CCDC171: variants seen among roughly 807,000 people sequenced by gnomAD.
CCDC171 encodes the protein coiled-coil domain-containing protein 171.
In CCDC171, 177 loss-of-function variants were observed where a neutral mutation model predicts 168.2. The observed-to-expected ratio is 1.05, with a 90% CI of 0.93 to 1.19. CCDC171 has a LOEUF of 1.19. Ranked by LOEUF, CCDC171 falls within the 50% of genes most tolerant of loss-of-function variation. CCDC171 has a pLI of 0.00. For missense variants in CCDC171, 1,991 were observed against 1,539.0 expected, an observed-to-expected ratio of 1.29 and a Z score of -4.91; for synonymous variants, 687 against 540.8, an observed-to-expected ratio of 1.27 and a Z score of -3.75.
chr9:15,806,037 C>G (rs1186485193), intron 21 of CCDC171, among the ~76,000 whole-genome samples: 1 of 152,064 alleles, frequency 6.6e-6, no homozygotes, highest in East Asian at 1.9e-4. Flanking sequence ...TCTGTTTTGT[C>G]AGAAACTAGT....
intron 1 of CCDC171, among the ~76,000 whole-genome samples, chr9:16,059,763 C>A (rs1447306747): frequency 6.6e-6 from 1 of 151,146 alleles, no homozygotes; most frequent in Non-Finnish European, 1.5e-5. Context: ...ATCCACCCGC[C>A]TCGGCCTCCC....
intron 22 of CCDC171, among the ~76,000 whole-genome samples, 197 bp from the exon 23 acceptor site, chr9:15,848,696 G>C (rs1162306466): frequency 2.0e-5 from 3 of 151,034 alleles, no homozygotes; most frequent in Non-Finnish European, 4.4e-5. Context: ...CAGTGAATAT[G>C]GTTAGTTTTT....
intron 20 of CCDC171, among the ~76,000 whole-genome samples, chr9:15,783,448 A>G (rs2057770728): frequency 6.6e-6 from 1 of 152,208 alleles, no homozygotes; most frequent in Non-Finnish European, 1.5e-5. Context: ...TTTGTGGCGA[A>G]TGATATTAAT....
chr9:15,721,921 T>G, intron 12 of CCDC171, 46 bp downstream of exon 12: 1 of 934,878 alleles, frequency 1.1e-6, no homozygotes, highest in East Asian at 2.9e-5. Flanking sequence ...CTTCGGCCTG[T>G]ACCAGTACGT....
chr9:15,661,352 TG>T (rs2048310753), intron 8 of CCDC171, among the ~76,000 whole-genome samples: 1 of 152,026 alleles, frequency 6.6e-6, no homozygotes, highest in African/African-American at 2.4e-5. Flanking sequence ...TTTAAATTCA[TG>T]AAAAAAATGT....
intron 1 of CCDC171, among the ~76,000 whole-genome samples, chr9:15,560,203 G>A (rs1334938289): frequency 2.6e-5 from 4 of 152,008 alleles, no homozygotes; most frequent in Non-Finnish European, 4.4e-5. Flanking sequence ...ACAATTATGT[G>A]TCTTGGAGTT....
intron 20 of CCDC171, among the ~76,000 whole-genome samples, chr9:15,780,718 A>T (rs2057620050): frequency 6.6e-6 from 1 of 152,174 alleles, no homozygotes; most frequent in Non-Finnish European, 1.5e-5. Context: ...ACTTATATAA[A>T]TATATGTATA....
At chr9:15,770,525 A>G (rs562604461) in intron 18 of CCDC171, among the ~76,000 whole-genome samples, 4 of 152,292 alleles carry the variant, frequency 2.6e-5, no homozygotes, top group Non-Finnish European at 4.4e-5. Context: ...TAAAATGATA[A>G]CAGAAGTATC....
intron 25 of CCDC171, among the ~76,000 whole-genome samples, chr9:15,964,684 G>A (rs1321611942): frequency 1.3e-5 from 2 of 152,002 alleles, no homozygotes; most frequent in East Asian, 1.9e-4. Flanking sequence ...GAAGAAAATG[G>A]GACATATTGT....
At chr9:15,927,163 A>G (rs755333456) in intron 25 of CCDC171, among the ~76,000 whole-genome samples, 8 of 151,708 alleles carry the variant, frequency 5.3e-5, no homozygotes, top group Admixed American at 5.3e-4. Flanking sequence ...TTAGCAACAC[A>G]CAATAATAAT....
intron 6 of CCDC171, among the ~76,000 whole-genome samples, chr9:15,605,849 C>T (rs1293041380): frequency 6.6e-6 from 1 of 152,028 alleles, no homozygotes; most frequent in Non-Finnish European, 1.5e-5. Context: ...ATTTTGCCTC[C>T]ATCTTTTGAT....
At chr9:16,104,276 C>T in the CCDC171 span, among the ~76,000 whole-genome samples, 24 of 152,128 alleles carry the variant, frequency 1.6e-4, no homozygotes, top group Non-Finnish European at 3.1e-4. Flanking sequence ...TTCCCAGCTG[C>T]CTCCCCCTCC....
chr9:15,721,693 ATC>A lies in CCDC171; in HGVS notation c.1319-72_1319-71del, dbSNP rs1223151946. On this transcript the variant is annotated intron_variant, in intron 11 of 25. Transcript: ENST00000380701. ...CTTTTCAGCTCTACCTAATTGTAGT[ATC>A]TCTGTTACTATTTGCCTAAGTTTTG... 25 of 632,224 alleles carry A rather than the reference ATC, an allele frequency of 4.0e-5. No individual in the cohort carries two copies. In the East Asian group the frequency reaches 7.4e-4, roughly 19 times the overall value. The allele number at this position is 632,224 out of a possible 1,614,324, so 39.2% of individuals were successfully genotyped here.
intron 24 of CCDC171, among the ~76,000 whole-genome samples, chr9:15,917,011 G>A (rs907036887): frequency 6.6e-6 from 1 of 151,924 alleles, no homozygotes. Flanking sequence ...GTTTCCTAAT[G>A]TAAAATAATG....
intron 21 of CCDC171, among the ~76,000 whole-genome samples, chr9:15,799,777 C>T (rs1229364682): frequency 6.6e-6 from 1 of 152,020 alleles, no homozygotes; most frequent in Non-Finnish European, 1.5e-5. Flanking sequence ...TTCCCCACTA[C>T]TCTTCTCTGC....
Position 15,724,925 on chromosome 9 carries a change from G to T in CCDC171, c.1641G>T (p.Gln547His), listed in dbSNP as rs1412487603. 1 of 1,613,832 alleles carries T rather than the reference G, an allele frequency of 6.2e-7. No homozygotes were observed. Residue 547 changes from glutamine to histidine, a missense_variant, in exon 14 of 26, where the codon CAG (glutamine) becomes CAT (histidine). Gln to His is a conservative substitution (Grantham distance 24, BLOSUM62 0). Transcript: ENST00000380701. ...AGAAAGAAAAGGCTCAGGCAGCCCAGTCTGAAAGTGAACTGCAGAAGCTTT... is the reference window on the plus strand; with the variant it reads ...AGAAAGAAAAGGCTCAGGCAGCCCATTCTGAAAGTGAACTGCAGAAGCTTT... ...CWEKEKAQAA[Q>H]SESELQKLSQ...
chr9:15,755,217 T>A (rs1027598311), intron 18 of CCDC171, among the ~76,000 whole-genome samples: 1 of 152,194 alleles, frequency 6.6e-6, no homozygotes, highest in African/African-American at 2.4e-5. Flanking sequence ...TGTTCATGTT[T>A]GTGCCTCTTA....
intron 25 of CCDC171, among the ~76,000 whole-genome samples, chr9:15,970,611 C>T (rs564206446): frequency 1.9e-3 from 287 of 152,180 alleles, no homozygotes; most frequent in Non-Finnish European, 2.5e-3. Flanking sequence ...TAGATACTGA[C>T]GTCACTTAAG....
chr9:15,783,869 C>T (rs1422235204), intron 20 of CCDC171, among the ~76,000 whole-genome samples: 1 of 152,190 alleles, frequency 6.6e-6, no homozygotes, highest in Non-Finnish European at 1.5e-5. Flanking sequence ...TGAACACTCA[C>T]TGAGTGCCAG....
Sources: allele counts gnomAD v4.1 joint callset (sites outside exome capture counted in the v4.1 genomes callset), GRCh38; gene constraint gnomAD v4.1.1; transcripts MANE v1.5; gene names NCBI Gene and HGNC (gene_info 2026-07-23, HGNC 2026-07-21).